The following RNF130 variants were observed in gnomAD, a reference collection of about 807,000 sequenced individuals.
RNF130 encodes the protein ring finger protein 130.
A neutral mutation model predicts 44.6 loss-of-function variants in RNF130; 21 were observed. The observed-to-expected ratio is 0.47, with a 90% CI of 0.33 to 0.68. The LOEUF (loss-of-function observed/expected upper bound fraction) is 0.68. Among genes scored for constraint, RNF130 ranks in the 30% least tolerant of loss-of-function variants. The pLI, the probability that RNF130 is intolerant of heterozygous loss-of-function variation, is 0.02. For missense variants in RNF130, 479 were observed against 560.6 expected (o/e 0.85, Z 1.47); for synonymous variants, 214 against 210.4 (o/e 1.02, Z -0.15).
rs571827054 is a variant in RNF130 at position 180,033,571 on chromosome 5, TC to T, written c.442+6881del. Among the ~76,000 whole-genome samples the T allele has an allele frequency of 4.6e-5, 7 of 152,054 alleles. No individual in the cohort carries two copies. The East Asian group carries it at 1.4e-3, about 29-fold the overall frequency. ...AAACCATGGTGGTGTGCGCCTATAATCCCAGCTGCTCGGGAGTCTGAGGCAG... is the reference window on the plus strand; with the variant it reads ...AAACCATGGTGGTGTGCGCCTATAATCCAGCTGCTCGGGAGTCTGAGGCAG... On this transcript the variant is annotated intron_variant, in intron 2 of 8. Transcript: ENST00000521389.
exon 8 of RNF130, chr5:179,913,210 G>C (rs1053975295): frequency 2.0e-5 from 3 of 152,368 alleles, no homozygotes; most frequent in African/African-American, 7.2e-5. Context: ...GCTTTCACAG[G>C]GGTGGCTGGG....
intron 7 of RNF130, among the ~76,000 whole-genome samples, chr5:179,933,494 T>C (rs1247089348): frequency 6.6e-6 from 1 of 151,678 alleles, no homozygotes; most frequent in African/African-American, 2.4e-5. Flanking sequence ...TTTTTGTCCA[T>C]TGAGGCATTT....
At chr5:179,990,961 T>C (rs1005447035) in intron 3 of RNF130, among the ~76,000 whole-genome samples, 2 of 152,252 alleles carry the variant, frequency 1.3e-5, no homozygotes, top group African/African-American at 4.8e-5. Context: ...TTTTATAATA[T>C]TGGAATAGCT....
chr5:179,989,369 T>C (rs1763027110), intron 3 of RNF130, among the ~76,000 whole-genome samples: 1 of 152,192 alleles, frequency 6.6e-6, no homozygotes, highest in Non-Finnish European at 1.5e-5. Flanking sequence ...CAACCATTAT[T>C]GTATTGGAGT....
At chr5:180,019,276 C>T (rs951416172) in intron 2 of RNF130, among the ~76,000 whole-genome samples, 1 of 150,946 alleles carries the variant, frequency 6.6e-6, no homozygotes, top group East Asian at 2.0e-4. Context: ...CCCAGCTACT[C>T]GGGAGGCTGA....
At chr5:179,926,855 A>C (rs1281703860) in intron 7 of RNF130, among the ~76,000 whole-genome samples, 1 of 152,038 alleles carries the variant, frequency 6.6e-6, no homozygotes, top group Admixed American at 6.6e-5. Context: ...ACCTGATGCC[A>C]TTTCCAGGTA....
chr5:180,063,498 G>A (rs919548801), intron 1 of RNF130, among the ~76,000 whole-genome samples: 4 of 152,206 alleles, frequency 2.6e-5, no homozygotes, highest in African/African-American at 9.7e-5. Flanking sequence ...TCCATCTGGA[G>A]CTTATCAATT....
chr5:179,966,841 G>A lies in RNF130; in HGVS notation c.1115C>T (p.Thr372Ile), dbSNP rs766338547. The A allele has an allele frequency of 1.2e-6, 2 of 1,614,188 alleles. No individual in the cohort carries two copies. The highest frequency in any genetic ancestry group is 1.7e-6 in the Non-Finnish European group (2 of 1,180,042). Residue 372 changes from threonine (T) to isoleucine (I), a missense_variant, in exon 7 of 9, where the codon ACT becomes ATT. By Grantham distance (89) the Thr-to-Ile change is moderately conservative. Transcript: ENST00000521389. ...ISPLPQDGEL[T>I]PRTGEINIAV... is the part of the protein sequence containing the mutation. ...AATGTTGATTTCTCCTGTTCTCGGA[G>A]TGAGCTCCCCATCCTGAGGAAGAGG...
At chr5:179,937,239 G>A (rs1761904246) in intron 7 of RNF130, among the ~76,000 whole-genome samples, 1 of 110,984 alleles carries the variant, frequency 9.0e-6, no homozygotes, top group Non-Finnish European at 1.9e-5. Context: ...TGCTTTGAAA[G>A]ATGCTATCAA....
intron 3 of RNF130, among the ~76,000 whole-genome samples, chr5:179,982,789 G>A (rs1322485079): frequency 1.3e-5 from 2 of 152,054 alleles, no homozygotes; most frequent in Non-Finnish European, 1.5e-5. Context: ...TCACTATGTT[G>A]CCCAGGCTGG....
At chr5:180,042,141 TAGC>T (rs2113142861) in intron 1 of RNF130, among the ~76,000 whole-genome samples, 1 of 152,346 alleles carries the variant, frequency 6.6e-6, no homozygotes, top group South Asian at 2.1e-4. Flanking sequence ...AGCACATGCC[TAGC>T]AAAAGAAACT....
chr5:179,927,652 G>C (rs1010676600), intron 7 of RNF130, among the ~76,000 whole-genome samples: 9 of 136,534 alleles, frequency 6.6e-5, no homozygotes, highest in African/African-American at 2.5e-4. Flanking sequence ...GTAGTGGCTT[G>C]ATCTTGGCTC....
In RNF130 at chr5:179,925,391, G is replaced by A. The variant is rs186554343; in HGVS notation, c.1151-4965C>T. ...TAAACACGTAGAGGTACCGGTAGGG[G>A]AGGGCACTGAACTCCAAGCTGCTTC... On this transcript the variant is annotated intron_variant, in intron 7 of 7. Coordinates refer to the RNF130 transcript ENST00000522208. Among the ~76,000 whole-genome samples, 1,028 of 152,338 alleles carry A rather than the reference G, an allele frequency of 6.7e-3. 40 individuals are homozygous for A. Among genetic ancestry groups the A allele is most frequent in the Admixed American group, 0.059 (910 of 15,304 alleles).
chr5:179,929,494 T>C (rs1761775369), intron 7 of RNF130, among the ~76,000 whole-genome samples: 1 of 152,218 alleles, frequency 6.6e-6, no homozygotes, highest in South Asian at 2.1e-4. Flanking sequence ...ACACCTGTAA[T>C]CTCAGCACTT....
intron 3 of RNF130, among the ~76,000 whole-genome samples, chr5:179,997,922 A>C (rs1763241515): frequency 6.7e-6 from 1 of 149,244 alleles, no homozygotes; most frequent in Non-Finnish European, 1.5e-5. Flanking sequence ...GCTCACTGCA[A>C]CCTTTGCCTC....
At chr5:180,045,298 CT>C (rs1169706744) in intron 1 of RNF130, among the ~76,000 whole-genome samples, 1 of 152,184 alleles carries the variant, frequency 6.6e-6, no homozygotes, top group Non-Finnish European at 1.5e-5. Flanking sequence ...GTCTTGCTGA[CT>C]TCAAGAAGGA....
At chr5:180,069,983 T>C (rs1223606357) in intron 1 of RNF130, among the ~76,000 whole-genome samples, 3 of 152,186 alleles carry the variant, frequency 2.0e-5, no homozygotes, top group Admixed American at 2.0e-4. Flanking sequence ...GACCATGGAT[T>C]TGGGGTGCCT....
intron 5 of RNF130, among the ~76,000 whole-genome samples, chr5:179,972,760 A>G (rs1762614233): frequency 6.6e-6 from 1 of 152,176 alleles, no homozygotes; most frequent in African/African-American, 2.4e-5. Flanking sequence ...ATCCAGAAAG[A>G]ACCAAATGGT....
At chr5:180,052,898 A>G (rs555240355) in intron 1 of RNF130, among the ~76,000 whole-genome samples, 3 of 152,372 alleles carry the variant, frequency 2.0e-5, no homozygotes, top group African/African-American at 7.2e-5. Context: ...AAAAAACCTT[A>G]AAGTTCACCT....
Sources: gnomAD v4.1 joint callset for allele counts (sites outside exome capture counted in the v4.1 genomes callset) on GRCh38, gnomAD v4.1.1 for gene constraint, MANE v1.5 for transcripts, NCBI Gene and HGNC (gene_info 2026-07-23, HGNC 2026-07-21) for gene names.